The following KLHDC4 variants were observed in gnomAD, a reference collection of about 807,000 sequenced individuals.
KLHDC4 encodes the protein kelch domain-containing protein 4.
KLHDC4 carries 90 observed loss-of-function variants against 62.4 expected under a neutral mutation model. The observed-to-expected ratio is 1.44, with a 90% CI of 1.22 to 1.72. The LOEUF (loss-of-function observed/expected upper bound fraction) is 1.72, where lower values mean the gene tolerates loss of function less well. KLHDC4 is among the 40% of genes most tolerant of loss of function. The probability of loss-of-function intolerance (pLI) is 0.00; values close to 1 mark genes in which losing one functional copy is unlikely to be tolerated. For synonymous variants in KLHDC4, 386 were observed against 284.4 expected, an observed-to-expected ratio of 1.36 and a Z score of -3.59; for missense variants, 1,025 against 699.7, an observed-to-expected ratio of 1.47 and a Z score of -5.25.
chr16:87,713,602 C>A (rs963365821), intron 8 of KLHDC4, among the ~76,000 whole-genome samples: 15 of 152,148 alleles, frequency 9.9e-5, no homozygotes, highest in African/African-American at 3.6e-4. Flanking sequence ...GCTTCTTCCG[C>A]TTCAGAGGTC....
At chr16:87,708,671 C>T (rs545282710) in intron 10 of KLHDC4, 27 of 417,112 alleles carry the variant, frequency 6.5e-5, no homozygotes, top group African/African-American at 1.6e-4. Context: ...AGATCCGAGA[C>T]GGCAAACATG....
intron 4 of KLHDC4, among the ~76,000 whole-genome samples, chr16:87,750,698 T>A (rs2043795887): frequency 6.6e-6 from 1 of 152,146 alleles, no homozygotes; most frequent in Non-Finnish European, 1.5e-5. Flanking sequence ...GAGTCGGTGT[T>A]CCGCCCGCCC....
At chr16:87,743,667 G>T (rs925651131) in intron 5 of KLHDC4, among the ~76,000 whole-genome samples, 2 of 151,922 alleles carry the variant, frequency 1.3e-5, no homozygotes, top group African/African-American at 4.8e-5. Context: ...GTGAACCCAG[G>T]AGGCGGAGCT....
At chr16:87,701,617 G>A (rs942723897) in exon 1 of KLHDC4, 2 of 441,950 alleles carry the variant, frequency 4.5e-6, no homozygotes, top group African/African-American at 4.0e-5. Flanking sequence ...AGTGGGCCAG[G>A]CAACAACCTC....
At position 87,754,895 on chromosome 16, in the gene KLHDC4, C is replaced by T. The variant is rs577711262; in HGVS notation, c.369+299G>A. On this transcript the variant is annotated intron_variant, in intron 4 of 11. Coordinates refer to ENST00000270583, the MANE Select transcript of KLHDC4 (RefSeq NM_017566.4). The stretch of plus-strand genomic sequence containing the variant: ...CCTGTCTTCACCATCTAGTCCAGAC[C>T]GTGGGCCTAGGGGGAGTGAGCATTC... 2.5e-4 allele frequency among the ~76,000 whole-genome samples: 38 copies of T among 152,304 alleles called. 2 individuals are homozygous for T. The highest frequency in any genetic ancestry group is 2.4e-3 in the Admixed American group (36 of 15,298).
downstream of KLHDC4, among the ~76,000 whole-genome samples, chr16:87,704,771 C>G (rs1321527139): frequency 6.6e-6 from 1 of 151,074 alleles, no homozygotes; most frequent in African/African-American, 2.5e-5. Context: ...AACACAAACA[C>G]AAACCAACTG....
intron 9 of KLHDC4, 40 bp downstream of exon 9, chr16:87,711,195 G>T (rs760854648): frequency 4.4e-6 from 7 of 1,604,474 alleles, no homozygotes; most frequent in Non-Finnish European, 6.0e-6. Context: ...CCAAGTTAGG[G>T]CTGCGCACCA....
intron 1 of KLHDC4, among the ~76,000 whole-genome samples, chr16:87,764,806 C>G (rs1323694592): frequency 2.8e-5 from 4 of 145,204 alleles, no homozygotes; most frequent in African/African-American, 1.0e-4. Flanking sequence ...GCAGCCCAGC[C>G]TAGGTGACAG....
intron 5 of KLHDC4, among the ~76,000 whole-genome samples, chr16:87,741,384 G>A (rs760747182): frequency 5.3e-5 from 8 of 152,200 alleles, no homozygotes; most frequent in Non-Finnish European, 1.0e-4. Flanking sequence ...ATCAAAGGCT[G>A]AGCCCCACCT....
chr16:87,715,958 C>A (rs2036881773), intron 7 of KLHDC4, among the ~76,000 whole-genome samples: 1 of 152,130 alleles, frequency 6.6e-6, no homozygotes, highest in Admixed American at 6.5e-5. Flanking sequence ...AGGCTTTGGG[C>A]ACGCTCTGTG....
chr16:87,699,585 G>GCTACTGAGGAGGCTGAGGCAGGAGAATC (rs1302708356), exon 1 of KLHDC4: 4 of 152,360 alleles, frequency 2.6e-5, no homozygotes, highest in Non-Finnish European at 5.9e-5. Context: ...TGTAATCCCA[G>GCTACTGAGGAGGCTGAGGCAGGAGAATC]CTACTGAGGA....
chr16:87,763,260 A>G (rs1226054216), intron 1 of KLHDC4, among the ~76,000 whole-genome samples: 1 of 152,210 alleles, frequency 6.6e-6, no homozygotes, highest in Non-Finnish European at 1.5e-5. Context: ...ATCTTTTATT[A>G]CACATGTGTA....
At chr16:87,741,628 T>A (rs571431723) in intron 5 of KLHDC4, among the ~76,000 whole-genome samples, 1 of 141,466 alleles carries the variant, frequency 7.1e-6, no homozygotes, top group African/African-American at 2.6e-5. Flanking sequence ...GTGGGGACCA[T>A]TGCTATACAT....
chr16:87,712,556 G>A (rs916829513), intron 8 of KLHDC4, among the ~76,000 whole-genome samples: 3 of 152,256 alleles, frequency 2.0e-5, no homozygotes, highest in African/African-American at 2.4e-5. Flanking sequence ...GCCGCCCTGC[G>A]GGAAACAGTC....
In KLHDC4 at chr16:87,764,944, C is replaced by A. The variant is rs1278318040; in HGVS notation, c.99+848G>T. 3 of 356,790 alleles carry A rather than the reference C, an allele frequency of 8.4e-6. No homozygotes were observed. The Admixed American group carries it at 1.1e-4, about 13-fold the overall frequency. The allele number at this position is 356,790 out of a possible 1,614,324, so 22.1% of individuals were successfully genotyped here. ...ATCAATGACTTAGGAAGAAAAGGGA[C>A]AAAGGACTGTGGTCAAGAGCTCCTG... On this transcript the variant is annotated intron_variant, in intron 1 of 11. Transcript: ENST00000270583.
chr16:87,722,574 C>T (rs1484111026), intron 7 of KLHDC4, among the ~76,000 whole-genome samples: 3 of 152,234 alleles, frequency 2.0e-5, no homozygotes, highest in Admixed American at 6.5e-5. Context: ...CGCAAGTGGA[C>T]AGAAGACTGG....
At chr16:87,758,487 T>G (rs2045341532) in intron 2 of KLHDC4, among the ~76,000 whole-genome samples, 1 of 152,144 alleles carries the variant, frequency 6.6e-6, no homozygotes, top group South Asian at 2.1e-4. Flanking sequence ...GCAAAATACC[T>G]AGAATAGGCC....
intron 5 of KLHDC4, among the ~76,000 whole-genome samples, chr16:87,735,989 C>T (rs1260704373): frequency 3.3e-5 from 5 of 152,266 alleles, no homozygotes; most frequent in African/African-American, 4.8e-5. Context: ...AAGCACTCTG[C>T]ATGCAAACGC....
At chr16:87,711,789 AG>A (rs2035894107) in intron 8 of KLHDC4, among the ~76,000 whole-genome samples, 1 of 151,348 alleles carries the variant, frequency 6.6e-6, no homozygotes, top group African/African-American at 2.4e-5. Context: ...TGCCCTGCAC[AG>A]GGACCCTCCG....
Sources: allele counts gnomAD v4.1 joint callset (sites outside exome capture counted in the v4.1 genomes callset), GRCh38; gene constraint gnomAD v4.1.1; transcripts MANE v1.5; gene names NCBI Gene and HGNC (gene_info 2026-07-23, HGNC 2026-07-21).